The following FTO variants were observed in gnomAD, a reference collection of about 807,000 sequenced individuals.
FTO encodes the protein alpha-ketoglutarate-dependent dioxygenase FTO.
FTO carries 47 observed loss-of-function variants against 63.9 expected under a neutral mutation model. The ratio of observed to expected loss-of-function variants is 0.74; its 90% CI spans 0.58 to 0.94. The LOEUF (loss-of-function observed/expected upper bound fraction) is 0.94, where lower values mean the gene tolerates loss of function less well. Ranked by LOEUF, FTO falls within the 40% of genes least tolerant of loss-of-function variation. FTO has a pLI of 0.00. For synonymous variants in FTO, 207 were observed against 224.4 expected, an observed-to-expected ratio of 0.92 and a Z score of 0.69; for missense variants, 562 against 618.1, an observed-to-expected ratio of 0.91 and a Z score of 0.96.
chr16:53,783,574 C>T (rs1171539068), intron 1 of FTO, among the ~76,000 whole-genome samples: 2 of 142,578 alleles, frequency 1.4e-5, no homozygotes, highest in Non-Finnish European at 1.5e-5. Flanking sequence ...CGCCACGGCA[C>T]TCCAGCCTGG....
At chr16:53,775,980 A>AT (rs769494762) in intron 1 of FTO, among the ~76,000 whole-genome samples, 7 of 151,780 alleles carry the variant, frequency 4.6e-5, no homozygotes, top group African/African-American at 7.3e-5. Context: ...TGATTTGTTG[A>AT]TTTTTCATGG....
chr16:53,964,592 C>T (rs2083156513), intron 8 of FTO, among the ~76,000 whole-genome samples: 2 of 152,042 alleles, frequency 1.3e-5, no homozygotes, highest in Admixed American at 1.3e-4. Context: ...ATGTTCTTTC[C>T]ATTAAATGTG....
chr16:54,076,820 A>C (rs946445382), intron 8 of FTO, among the ~76,000 whole-genome samples: 1 of 152,182 alleles, frequency 6.6e-6, no homozygotes, highest in Admixed American at 6.5e-5. Flanking sequence ...AGATGAGTAA[A>C]GGCATCTGTG....
Position 53,818,121 on chromosome 16 carries a change from A to G in FTO, c.124-7743A>G, listed in dbSNP as rs778540625. ...GTGAACTTATTTGTTTGACAGAATG[A>G]ATTAATATTAAATTACTTAATGTTC... is the stretch of plus-strand genomic sequence containing the variant. On this transcript the variant is annotated intron_variant, in intron 2 of 8. Coordinates refer to ENST00000471389, the MANE Select transcript of FTO (RefSeq NM_001080432.3). 1.4e-4 allele frequency among the ~76,000 whole-genome samples: 22 copies of G among 152,118 alleles called. 1 individual carries two copies. Among genetic ancestry groups the G allele is most frequent in the Non-Finnish European group, 3.2e-4 (22 of 67,990 alleles).
chr16:53,987,382 A>G (rs1231520474), intron 8 of FTO, among the ~76,000 whole-genome samples: 1 of 152,036 alleles, frequency 6.6e-6, no homozygotes, highest in Non-Finnish European at 1.5e-5. Flanking sequence ...GAAGTTCAAG[A>G]TCAGCCTAGC....
chr16:54,066,363 A>T (rs924296934), intron 8 of FTO, among the ~76,000 whole-genome samples: 3 of 152,158 alleles, frequency 2.0e-5, no homozygotes, highest in Non-Finnish European at 4.4e-5. Context: ...AGCCCTTCCA[A>T]CTTTTAGACC....
chr16:53,732,619 A>G (rs1387262091), intron 1 of FTO, among the ~76,000 whole-genome samples: 1 of 152,140 alleles, frequency 6.6e-6, no homozygotes, highest in Non-Finnish European at 1.5e-5. Context: ...ACATGCACTA[A>G]AATGTGATGA....
rs1024588696 is a variant in FTO at position 53,859,289 on chromosome 16, T to G, written c.896-14497T>G. Among the ~76,000 whole-genome samples, 10 of 152,176 alleles carry G rather than the reference T, an allele frequency of 6.6e-5. No individual in the cohort carries two copies. The South Asian group carries it at 1.0e-3, about 16-fold the overall frequency. On this transcript the variant is annotated intron_variant, in intron 4 of 8. Transcript: ENST00000471389. Reference sequence around the variant, plus strand: ...CTGTTTCTATGTCTTCTGACCTCCTTCTTTACACATCCTATCTCATATCCA... The same window carrying G: ...CTGTTTCTATGTCTTCTGACCTCCTGCTTTACACATCCTATCTCATATCCA...
chr16:53,998,286 A>G (rs1292830443), intron 8 of FTO: 1 of 152,266 alleles, frequency 6.6e-6, no homozygotes, highest in Non-Finnish European at 1.5e-5. Context: ...ACAGAGGAGA[A>G]TGATTGACAA....
At chr16:54,109,585 G>C (rs1389729077) in intron 8 of FTO, among the ~76,000 whole-genome samples, 1 of 152,180 alleles carries the variant, frequency 6.6e-6, no homozygotes, top group East Asian at 1.9e-4. Flanking sequence ...GCCTGCCTTG[G>C]CCTACCAGGG....
At chr16:53,940,443 T>A (rs2082501682) in intron 8 of FTO, among the ~76,000 whole-genome samples, 1 of 152,212 alleles carries the variant, frequency 6.6e-6, no homozygotes, top group Non-Finnish European at 1.5e-5. Flanking sequence ...GTTACCATGG[T>A]CAGGCCTGGC....
At chr16:53,863,543 T>C (rs1433415348) in intron 4 of FTO, among the ~76,000 whole-genome samples, 1 of 152,244 alleles carries the variant, frequency 6.6e-6, no homozygotes, top group Non-Finnish European at 1.5e-5. Context: ...GGCCCACTCC[T>C]ATCATTGCTG....
intron 7 of FTO, among the ~76,000 whole-genome samples, chr16:53,918,118 C>T (rs1284520457): frequency 6.6e-6 from 1 of 152,118 alleles, no homozygotes; most frequent in Non-Finnish European, 1.5e-5. Flanking sequence ...TTTGTTCCTA[C>T]AGGTCTACAT....
At chr16:53,978,178 G>A (rs1348866194) in intron 8 of FTO, among the ~76,000 whole-genome samples, 2 of 152,068 alleles carry the variant, frequency 1.3e-5, no homozygotes, top group Admixed American at 6.6e-5. Flanking sequence ...CACTAATCTC[G>A]ATGCACATTT....
At chr16:53,794,181 C>T (rs1022126049) in intron 1 of FTO, among the ~76,000 whole-genome samples, 1 of 152,184 alleles carries the variant, frequency 6.6e-6, no homozygotes, top group Non-Finnish European at 1.5e-5. Flanking sequence ...CTTAATAGTG[C>T]ATACGTTTTG....
intron 2 of FTO, among the ~76,000 whole-genome samples, chr16:53,811,373 C>T (rs2078515838): frequency 6.6e-6 from 1 of 152,162 alleles, no homozygotes; most frequent in African/African-American, 2.4e-5. Context: ...ATGTACATAG[C>T]TGACCATCAG....
At chr16:53,984,051 G>A (rs2143836507) in intron 8 of FTO, among the ~76,000 whole-genome samples, 1 of 152,300 alleles carries the variant, frequency 6.6e-6, no homozygotes, top group Admixed American at 6.5e-5. Flanking sequence ...CAAGGGAGGT[G>A]TTTGGAGCCT....
chr16:54,075,379 A>G (rs1464705290), intron 8 of FTO, among the ~76,000 whole-genome samples: 13 of 152,234 alleles, frequency 8.5e-5, no homozygotes, highest in African/African-American at 3.1e-4. Flanking sequence ...AGCTCTCGTT[A>G]ACTATCCCAG....
At chr16:53,793,968 T>C (rs760265027) in intron 1 of FTO, among the ~76,000 whole-genome samples, 11 of 152,134 alleles carry the variant, frequency 7.2e-5, no homozygotes, top group Admixed American at 2.0e-4. Flanking sequence ...CACAAACATA[T>C]TAAAAGTTAC....
Sources: gnomAD v4.1 joint callset for allele counts (sites outside exome capture counted in the v4.1 genomes callset) on GRCh38, gnomAD v4.1.1 for gene constraint, MANE v1.5 for transcripts, NCBI Gene and HGNC (gene_info 2026-07-23, HGNC 2026-07-21) for gene names.